Variants in CNTN1 observed in about 807,000 individuals in gnomAD.
CNTN1 encodes contactin 1.
In CNTN1, 38 loss-of-function variants were observed where a neutral mutation model predicts 126.4. The ratio of observed to expected loss-of-function variants is 0.30; its 90% CI spans 0.23 to 0.39. CNTN1 has a LOEUF of 0.39. Ranked by LOEUF, CNTN1 falls within the 10% of genes least tolerant of loss-of-function variation. The pLI, the probability that CNTN1 is intolerant of heterozygous loss-of-function variation, is 1.00. For missense variants in CNTN1, 1,009 were observed against 1,248.4 expected, an observed-to-expected ratio of 0.81 and a Z score of 2.89; for synonymous variants, 413 against 422.6, an observed-to-expected ratio of 0.98 and a Z score of 0.28.
chr12:40,832,733 T>C (rs1290237169), intron 1 of CNTN1, among the ~76,000 whole-genome samples: 1 of 152,182 alleles, frequency 6.6e-6, no homozygotes, highest in Non-Finnish European at 1.5e-5. Flanking sequence ...CTGGAGTTAG[T>C]ATACAACTTG....
chr12:40,991,319 A>T (rs369706017), intron 16 of CNTN1, among the ~76,000 whole-genome samples: 2 of 151,764 alleles, frequency 1.3e-5, no homozygotes, highest in South Asian at 4.2e-4. Context: ...TTTAGAGCCC[A>T]CCTAGAAAAT....
chr12:40,924,887 T>TATATATATATATATATATATATATATAG (rs1565960029), intron 6 of CNTN1, among the ~76,000 whole-genome samples: 2 of 145,752 alleles, frequency 1.4e-5, no homozygotes, highest in Non-Finnish European at 3.0e-5. Flanking sequence ...TAAACATATA[T>TATATATATATATATATATATATATATAG]ATATATATAT....
chr12:40,889,667 T>C (rs1456131686), intron 1 of CNTN1, among the ~76,000 whole-genome samples: 2 of 152,152 alleles, frequency 1.3e-5, no homozygotes, highest in African/African-American at 4.8e-5. Context: ...GGTATAAATC[T>C]CAATGTATTA....
intron 1 of CNTN1, among the ~76,000 whole-genome samples, chr12:40,821,353 C>T (rs1941436260): frequency 6.6e-6 from 1 of 152,146 alleles, no homozygotes; most frequent in African/African-American, 2.4e-5. Flanking sequence ...ATATGCCTTC[C>T]TCCAGGAGCA....
At chr12:41,009,492 A>G (rs1948592726) in intron 17 of CNTN1, among the ~76,000 whole-genome samples, 1 of 152,194 alleles carries the variant, frequency 6.6e-6, no homozygotes, top group Non-Finnish European at 1.5e-5. Flanking sequence ...GAGCTGGTCC[A>G]CAGACCTGTG....
chr12:40,951,092 T>C (rs1946659963), intron 14 of CNTN1, among the ~76,000 whole-genome samples: 1 of 152,146 alleles, frequency 6.6e-6, no homozygotes, highest in African/African-American at 2.4e-5. Flanking sequence ...ATATATGAGT[T>C]GTATTTCAAC....
At chr12:40,865,222 A>G (rs556991701) in intron 1 of CNTN1, among the ~76,000 whole-genome samples, 1 of 152,210 alleles carries the variant, frequency 6.6e-6, no homozygotes, top group Non-Finnish European at 1.5e-5. Flanking sequence ...GAGTTATAAG[A>G]GTTCTTTTAT....
At chr12:40,789,229 T>C (rs1329912953) in intron 1 of CNTN1, among the ~76,000 whole-genome samples, 1 of 152,188 alleles carries the variant, frequency 6.6e-6, no homozygotes, top group East Asian at 1.9e-4. Context: ...GGAAAGGAGA[T>C]GAATTTCTAA....
rs1948765229 is a variant in CNTN1, at chr12:41,015,748, G to A, written c.2185-934G>A. Among the ~76,000 whole-genome samples, 3 of 151,458 alleles carry A rather than the reference G, an allele frequency of 2.0e-5. No individual in the cohort carries two copies. In the South Asian group the frequency reaches 6.3e-4, roughly 32 times the overall value. ...AAAAAAAAAAAAGTAAATATACAAT[G>A]TGCACATTTACCTAAATTGCCAAAA... is the stretch of plus-strand genomic sequence containing the variant. On this transcript the variant is annotated intron_variant, in intron 18 of 23. Coordinates refer to ENST00000551295, the MANE Select transcript of CNTN1 (RefSeq NM_001843.4).
chr12:40,795,300 CACACACACACACACACACATT>C (rs1940380184), intron 1 of CNTN1, among the ~76,000 whole-genome samples: 1 of 43,268 alleles, frequency 2.3e-5, no homozygotes, highest in Non-Finnish European at 5.5e-5. Flanking sequence ...CACACACACA[CACACACACACACACACACATT>C]TTTTTTTTTT....
In CNTN1 at chr12:40,899,336, A is replaced by G. The variant is rs534135186; in HGVS notation, c.-76-9021A>G. ...AACAATGGTAGTTAAAACACATTCA[A>G]TCAGGTCATTATCGTCCAATAAGAC... On this transcript the variant is annotated intron_variant, in intron 1 of 23. Coordinates refer to ENST00000551295, the MANE Select transcript of CNTN1 (RefSeq NM_001843.4). 4.2e-3 allele frequency among the ~76,000 whole-genome samples: 640 copies of G among 152,320 alleles called. 3 individuals carry two copies. The highest frequency in any genetic ancestry group is 0.014 in the African/African-American group (598 of 41,578).
chr12:40,773,268 G>A (rs1939416714), intron 1 of CNTN1, among the ~76,000 whole-genome samples: 1 of 151,666 alleles, frequency 6.6e-6, no homozygotes, highest in Non-Finnish European at 1.5e-5. Flanking sequence ...TAAGCCTGTA[G>A]CCTACTCCTT....
intron 1 of CNTN1, among the ~76,000 whole-genome samples, chr12:40,876,968 G>C (rs573819381): frequency 6.6e-6 from 1 of 152,126 alleles, no homozygotes; most frequent in South Asian, 2.1e-4. Flanking sequence ...TTTGTATACT[G>C]TTTCAAAACC....
intron 16 of CNTN1, among the ~76,000 whole-genome samples, chr12:40,981,299 A>G (rs1947812494): frequency 6.6e-6 from 1 of 152,112 alleles, no homozygotes. Context: ...ATCAATATAT[A>G]ATGGAAAGCA....
intron 17 of CNTN1, among the ~76,000 whole-genome samples, chr12:41,002,872 A>G (rs190504482): frequency 2.0e-5 from 3 of 152,226 alleles, no homozygotes; most frequent in Non-Finnish European, 2.9e-5. Context: ...TTTTCTACAT[A>G]TAGGATCATG....
chr12:40,692,979 G>A (rs1312808879), intron 1 of CNTN1, among the ~76,000 whole-genome samples: 1 of 152,210 alleles, frequency 6.6e-6, no homozygotes, highest in Admixed American at 6.5e-5. Flanking sequence ...CCCGGGGCCT[G>A]CAGGTCTTTT....
At position 40,720,822 on chromosome 12, in the gene CNTN1, G is replaced by A. The variant is rs539505505; in HGVS notation, c.-77+28230G>A. Among the ~76,000 whole-genome samples the A allele has an allele frequency of 9.9e-5, 15 of 151,908 alleles. No individual in the cohort carries two copies. The Middle Eastern group carries it at 0.01, about 103-fold the overall frequency. On this transcript the variant is annotated intron_variant, in intron 1 of 23. Transcript: ENST00000551295. The stretch of plus-strand genomic sequence containing the variant: ...TGCATGCCTGTAATCCTAGCTACTC[G>A]GGAGGCTGAGGCAGGGGAATCCCTC...
chr12:40,923,232 TA>T (rs999732734), intron 5 of CNTN1, among the ~76,000 whole-genome samples: 77 of 152,128 alleles, frequency 5.1e-4, no homozygotes, highest in African/African-American at 1.8e-3. Context: ...ACATTTCTTT[TA>T]ATTAGGGCTA....
intron 1 of CNTN1, among the ~76,000 whole-genome samples, chr12:40,900,263 C>T (rs1167565064): frequency 2.0e-5 from 3 of 152,062 alleles, no homozygotes; most frequent in Admixed American, 2.0e-4. Flanking sequence ...AATAGTGAAA[C>T]TTTATTTGTG....
Sources: allele counts gnomAD v4.1 joint callset (sites outside exome capture counted in the v4.1 genomes callset), GRCh38; gene constraint gnomAD v4.1.1; transcripts MANE v1.5; gene names NCBI Gene and HGNC (gene_info 2026-07-23, HGNC 2026-07-21).